Variants in CRYBG3 observed in about 807,000 individuals in gnomAD.
CRYBG3 encodes crystallin beta-gamma domain containing 3, also known as very large A-kinase anchor protein.
CRYBG3 carries 127 observed loss-of-function variants against 244.2 expected under a neutral mutation model. That is an observed-to-expected ratio of 0.52 (90% CI 0.45 to 0.60). CRYBG3 has a LOEUF of 0.60. Ranked by LOEUF, CRYBG3 falls within the 20% of genes least tolerant of loss-of-function variation. The pLI is 0.00. For missense variants in CRYBG3, 3,325 were observed against 3,442.5 expected (o/e 0.97, Z 0.85); for synonymous variants, 1,132 against 1,195.8 (o/e 0.95, Z 1.10).
chr3:97,910,356 G>A (rs1218728936), intron 15 of CRYBG3, among the ~76,000 whole-genome samples: 2 of 152,202 alleles, frequency 1.3e-5, no homozygotes, highest in East Asian at 1.9e-4. Context: ...CCTGGCTGCC[G>A]CCTTGCAGTT....
At chr3:97,914,505 T>C (rs1043122400) in intron 16 of CRYBG3, among the ~76,000 whole-genome samples, 3 of 152,140 alleles carry the variant, frequency 2.0e-5, no homozygotes, top group Non-Finnish European at 1.5e-5. Flanking sequence ...ACAAGAACTA[T>C]GGCCATTGTG....
intron 15 of CRYBG3, among the ~76,000 whole-genome samples, chr3:97,910,491 G>A (rs1387451971): frequency 6.6e-6 from 1 of 152,210 alleles, no homozygotes; most frequent in East Asian, 1.9e-4. Context: ...GCAGTATTAG[G>A]GTGGGAGTGA....
chr3:97,822,179 A>G lies in CRYBG3; in HGVS notation c.-28A>G, dbSNP rs1166831548. The G allele has an allele frequency of 6.7e-7, 1 of 1,495,674 alleles. No individual in the cohort carries two copies. The highest frequency in any genetic ancestry group is 8.9e-7 in the Non-Finnish European group (1 of 1,127,250). 92.7% of individuals were successfully genotyped at this position (1,495,674 alleles called of 1,614,324 possible). The stretch of plus-strand genomic sequence containing the variant: ...AACACCTAGGCCGTTCCCTTCAGAC[A>G]GCCCCGGGCCAGCGGCCCCCTCGGG... On this transcript the variant is annotated 5_prime_UTR_variant, in exon 1 of 22. Transcript: ENST00000389622.
At chr3:97,827,299 A>G (rs1457208085) in intron 1 of CRYBG3, among the ~76,000 whole-genome samples, 1 of 152,142 alleles carries the variant, frequency 6.6e-6, no homozygotes, top group Non-Finnish European at 1.5e-5. Context: ...GCATTAAAGG[A>G]CTTATTAGTA....
intron 7 of CRYBG3, among the ~76,000 whole-genome samples, chr3:97,881,958 C>T (rs1016415282): frequency 6.6e-6 from 1 of 151,866 alleles, no homozygotes; most frequent in African/African-American, 2.4e-5. Context: ...CCTGTAATCC[C>T]AGCACTTTGG....
At position 97,822,184 on chromosome 3, in the gene CRYBG3, C is replaced by CG. The variant is rs1270494910; in HGVS notation, c.-20dup. ...CTAGGCCGTTCCCTTCAGACAGCCC[C>CG]GGGCCAGCGGCCCCCTCGGGAAATG... On this transcript the variant is annotated 5_prime_UTR_variant, in exon 1 of 22. Transcript: ENST00000389622. 2 of 1,503,786 alleles carry CG rather than the reference C, an allele frequency of 1.3e-6. No homozygotes were observed. Among genetic ancestry groups the CG allele is most frequent in the African/African-American group, 2.8e-5 (2 of 71,856 alleles). The allele number at this position is 1,503,786 out of a possible 1,614,324, so 93.2% of individuals were successfully genotyped here. A position where few individuals can be genotyped will look rare whatever the true frequency, so the allele number is the denominator to read the frequency against.
At chr3:97,830,853 A>T (rs184227755) in intron 1 of CRYBG3, among the ~76,000 whole-genome samples, 25 of 152,258 alleles carry the variant, frequency 1.6e-4, no homozygotes, top group Admixed American at 2.0e-4. Flanking sequence ...AGAGGCTTAT[A>T]TCTTAACGAT....
intron 7 of CRYBG3, among the ~76,000 whole-genome samples, 163 bp from the exon 8 acceptor site, chr3:97,886,468 T>TA (rs76190550): frequency 2.0e-5 from 3 of 150,054 alleles, no homozygotes; most frequent in African/African-American, 7.4e-5. Context: ...AAAAACTTTT[T>TA]AAAAAAAAAA....
chr3:97,836,901 G>T (rs1225430470), intron 1 of CRYBG3: 1 of 152,136 alleles, frequency 6.6e-6, no homozygotes, highest in African/African-American at 2.4e-5. Context: ...AAGCCTCAAG[G>T]TTGGTCTACC....
At chr3:97,868,164 G>T (rs1296563843) in intron 3 of CRYBG3, among the ~76,000 whole-genome samples, 2 of 151,702 alleles carry the variant, frequency 1.3e-5, no homozygotes, top group Non-Finnish European at 2.9e-5. Flanking sequence ...GGTGCCTGTA[G>T]TCCCAGCTAC....
intron 1 of CRYBG3, among the ~76,000 whole-genome samples, chr3:97,830,382 C>T (rs1161105024): frequency 6.6e-6 from 1 of 152,098 alleles, no homozygotes; most frequent in African/African-American, 2.4e-5. Context: ...TTTGTATCAT[C>T]TAGTAGTTCC....
At chr3:97,909,107 C>G (rs376947721) in intron 15 of CRYBG3, among the ~76,000 whole-genome samples, 1 of 152,144 alleles carries the variant, frequency 6.6e-6, no homozygotes, top group Non-Finnish European at 1.5e-5. Flanking sequence ...GGGTTTCTGC[C>G]GAGAGATCCT....
intron 10 of CRYBG3, 82 bp downstream of exon 10, chr3:97,889,472 A>G: frequency 8.7e-7 from 1 of 1,145,864 alleles, no homozygotes; most frequent in Non-Finnish European, 1.3e-6. Context: ...ACATTGGAAT[A>G]AAAAGTACCT....
In CRYBG3 at chr3:97,876,742, C is replaced by A; in HGVS notation, c.5548C>A (p.Pro1850Thr). The A allele has an allele frequency of 8.0e-7, 1 of 1,254,462 alleles. No homozygotes were observed. Among genetic ancestry groups the A allele is most frequent in the South Asian group, 3.8e-5 (1 of 26,362 alleles). The allele number at this position is 1,254,462 out of a possible 1,614,324, so 77.7% of individuals were successfully genotyped here. Residue 1850 changes from proline to threonine, a missense_variant, in exon 4 of 22, where the codon CCA becomes ACA. Coordinates refer to ENST00000389622, the MANE Select transcript of CRYBG3 (RefSeq NM_153605.4). ...TGTGATAGAAATGGAAAAAATATCC[C>A]CAGAAGATCGTGGTGAGAATATTGG... ...PSVIEMEKIS[P>T]EDRGENIGKH...
chr3:97,870,165 G>T (rs888907453), intron 3 of CRYBG3, among the ~76,000 whole-genome samples: 60 of 151,946 alleles, frequency 3.9e-4, no homozygotes, highest in Non-Finnish European at 5.7e-4. Context: ...TTTAGAGTTG[G>T]GGTGCATATG....
chr3:97,858,165 G>GTTTTTTTT (rs71113873), intron 2 of CRYBG3, among the ~76,000 whole-genome samples: 1 of 139,824 alleles, frequency 7.2e-6, no homozygotes, highest in Non-Finnish European at 1.6e-5. Flanking sequence ...TTTTAGTTGA[G>GTTTTTTTT]TTTTTTTTTT....
At chr3:97,884,698 A>C (rs1007244573) in intron 7 of CRYBG3, among the ~76,000 whole-genome samples, 1 of 152,182 alleles carries the variant, frequency 6.6e-6, no homozygotes, top group African/African-American at 2.4e-5. Context: ...TTTGCAAAGC[A>C]TGCTATTTCT....
intron 15 of CRYBG3, among the ~76,000 whole-genome samples, chr3:97,903,658 A>T (rs772225419): frequency 1.1e-4 from 16 of 152,170 alleles, no homozygotes; most frequent in Admixed American, 2.6e-4. Context: ...ATATTGTAGA[A>T]TAAGTGAGCA....
intron 2 of CRYBG3, among the ~76,000 whole-genome samples, chr3:97,861,862 G>T (rs1461002259): frequency 1.3e-5 from 2 of 152,026 alleles, no homozygotes; most frequent in Non-Finnish European, 2.9e-5. Flanking sequence ...TTTATTGCAG[G>T]TGTTTACTTT....
Sources: gnomAD v4.1 joint callset for allele counts (sites outside exome capture counted in the v4.1 genomes callset) on GRCh38, gnomAD v4.1.1 for gene constraint, MANE v1.5 for transcripts, NCBI Gene and HGNC (gene_info 2026-07-23, HGNC 2026-07-21) for gene names.